The following PPIP5K2 variants were observed in gnomAD, a reference collection of about 807,000 sequenced individuals.
PPIP5K2 encodes inositol hexakisphosphate and diphosphoinositol-pentakisphosphate kinase 2.
In PPIP5K2, 105 loss-of-function variants were observed where a neutral mutation model predicts 154.6. The observed-to-expected ratio is 0.68, with a 90% CI of 0.58 to 0.80. The LOEUF (loss-of-function observed/expected upper bound fraction) is 0.80. Ranked by LOEUF, PPIP5K2 falls within the 30% of genes least tolerant of loss-of-function variation. The probability of loss-of-function intolerance (pLI) is 0.00; values close to 1 mark genes in which losing one functional copy is unlikely to be tolerated. For synonymous variants in PPIP5K2, 480 were observed against 490.3 expected, an observed-to-expected ratio of 0.98 and a Z score of 0.28; for missense variants, 992 against 1,504.6, an observed-to-expected ratio of 0.66 and a Z score of 5.64.
rs888795010 is a variant in PPIP5K2, at chr5:103,204,023, A to T, written c.*2389A>T. The T allele has an allele frequency of 2.0e-5, 3 of 152,224 alleles. No homozygotes were observed. The highest frequency in any genetic ancestry group is 7.2e-5 in the African/African-American group (3 of 41,466). The allele number at this position is 152,224 out of a possible 1,614,324, so 9.4% of individuals were successfully genotyped here. On this transcript the variant is annotated 3_prime_UTR_variant, in exon 31 of 31. Coordinates refer to ENST00000358359, the MANE Select transcript of PPIP5K2 (RefSeq NM_001276277.3). ...CATAGAGCACAAAGGCAATAGATGG[A>T]AATTATGAGAGAAAAGTTAAAGTTC...
intron 2 of PPIP5K2, 26 bp from the exon 3 acceptor site, chr5:103,133,427 G>T: frequency 1.3e-6 from 2 of 1,593,410 alleles, no homozygotes; most frequent in South Asian, 1.1e-5. Flanking sequence ...AAGTTAACCC[G>T]ATTTTTTGTT....
rs189452321 is a variant in PPIP5K2, at chr5:103,139,410, A to T, written c.487+941A>T. ...ATAAGAACCAAAAAATTAGTCCACCAAGGTGGTGCCTCTAGGAGTCAGCAA... is the reference window on the plus strand; with the variant it reads ...ATAAGAACCAAAAAATTAGTCCACCTAGGTGGTGCCTCTAGGAGTCAGCAA... On this transcript the variant is annotated intron_variant, in intron 5 of 30. Transcript: ENST00000358359. 8.5e-5 allele frequency among the ~76,000 whole-genome samples: 13 copies of T among 152,318 alleles called. No individual in the cohort carries two copies. The Middle Eastern group carries it at 0.01, about 120-fold the overall frequency.
chr5:103,133,306 T>C lies in PPIP5K2; in HGVS notation c.115-147T>C, dbSNP rs1790945582. ...TTAAATGTTTATTATAACAATGATA[T>C]AATTTTTAAAAATTCCTTTGTTTGT... On this transcript the variant is annotated intron_variant, in intron 2 of 30. Coordinates refer to ENST00000358359, the MANE Select transcript of PPIP5K2 (RefSeq NM_001276277.3). The C allele has an allele frequency of 9.4e-6, 5 of 530,630 alleles. No homozygotes were observed. The South Asian group carries it at 2.3e-4, about 25-fold the overall frequency. The allele number at this position is 530,630 out of a possible 1,614,324, so 32.9% of individuals were successfully genotyped here.
At position 103,155,878 on chromosome 5, in the gene PPIP5K2, G is replaced by A. The variant is rs373168090; in HGVS notation, c.1404-31G>A. 1.7e-5 allele frequency: 23 copies of A among 1,385,220 alleles called. No individual in the cohort carries two copies. The African/African-American group carries it at 3.0e-4, about 18-fold the overall frequency. The allele number at this position is 1,385,220 out of a possible 1,614,324, so 85.8% of individuals were successfully genotyped here. ...TGTGAGAATTAGTTTTTCCCTACAT[G>A]TTCTATTCTGTTTATCATTTTATTT... On this transcript the variant is annotated intron_variant, in intron 13 of 30. Coordinates refer to ENST00000358359, the MANE Select transcript of PPIP5K2 (RefSeq NM_001276277.3).
intron 2 of PPIP5K2, among the ~76,000 whole-genome samples, chr5:103,130,756 C>A (rs1004346296): frequency 1.3e-5 from 2 of 152,150 alleles, no homozygotes; most frequent in Non-Finnish European, 1.5e-5. Flanking sequence ...CTCTGGCTCA[C>A]TTAAACTAGA....
chr5:103,189,075 A>G, intron 28 of PPIP5K2: 3 of 921,292 alleles, frequency 3.3e-6, no homozygotes, highest in Non-Finnish European at 4.9e-6. Flanking sequence ...CATATCATGG[A>G]CTTACCCCTC....
intron 4 of PPIP5K2, 32 bp downstream of exon 4, chr5:103,136,854 G>A: frequency 6.6e-7 from 1 of 1,506,434 alleles, no homozygotes; most frequent in Non-Finnish European, 9.2e-7. Flanking sequence ...ATTAAGGGAA[G>A]GAAAAATAAC....
rs934765213 is a variant in PPIP5K2, at chr5:103,123,875, T to C, written c.-285+3387T>C. On this transcript the variant is annotated intron_variant, in intron 1 of 30. Transcript: ENST00000358359. ...AATGACTGAACATTGATCAAAATGC[T>C]AAATAATATGGAAGTGCTATATGTA... Among the ~76,000 whole-genome samples, 3 of 152,226 alleles carry C rather than the reference T, an allele frequency of 2.0e-5. No individual in the cohort carries two copies. The East Asian group carries it at 5.8e-4, about 29-fold the overall frequency.
chr5:103,184,414 C>A, intron 25 of PPIP5K2: 1 of 282,758 alleles, frequency 3.5e-6, no homozygotes, highest in South Asian at 8.3e-5. Context: ...CTCTTAATTG[C>A]TTCTTTTCAT....
In PPIP5K2 at chr5:103,209,711, A is replaced by G. The variant is rs1803700962; in HGVS notation, c.*8077A>G. On this transcript the variant is annotated 3_prime_UTR_variant, in exon 31 of 31. Transcript: ENST00000358359. ...CCATAGATTTGTCTTAAGTTAGTCA[A>G]TGCTGAATAGAAAGCTTGATGATAA... The G allele has an allele frequency of 6.6e-6, 1 of 152,162 alleles. No individual in the cohort carries two copies. Among genetic ancestry groups the G allele is most frequent in the Non-Finnish European group, 1.5e-5 (1 of 68,026 alleles). The allele number at this position is 152,162 out of a possible 1,614,324, so 9.4% of individuals were successfully genotyped here. A position where few individuals can be genotyped will look rare whatever the true frequency, so the allele number is the denominator to read the frequency against.
At chr5:103,186,477 C>T (rs1800404512) in intron 27 of PPIP5K2, 38 bp downstream of exon 27, 1 of 1,612,332 alleles carries the variant, frequency 6.2e-7, no homozygotes, top group Non-Finnish European at 8.5e-7. Flanking sequence ...CATACCTACA[C>T]CCATGCACAC....
intron 28 of PPIP5K2, among the ~76,000 whole-genome samples, chr5:103,189,898 A>G (rs1800957954): frequency 6.6e-6 from 1 of 152,116 alleles, no homozygotes. Context: ...GACTTTATAT[A>G]AAACTTTGAG....
chr5:103,173,389 A>T, intron 20 of PPIP5K2, 107 bp downstream of exon 20: 1 of 1,275,574 alleles, frequency 7.8e-7, no homozygotes. Context: ...TGTCATTGGC[A>T]TACTGTGAAA....
chr5:103,201,675 A>T lies in PPIP5K2; in HGVS notation c.*41A>T. On this transcript the variant is annotated 3_prime_UTR_variant, in exon 31 of 31. Transcript: ENST00000358359. The stretch of plus-strand genomic sequence containing the variant: ...TGGAACTTTTTATACTTATAAAAAT[A>T]GTATGTTCTTATGTTTCTCCTTATG... The T allele has an allele frequency of 2.2e-6, 3 of 1,355,264 alleles. No individual in the cohort carries two copies. In the African/African-American group the frequency reaches 4.4e-5, roughly 20 times the overall value. The allele number at this position is 1,355,264 out of a possible 1,614,324, so 84.0% of individuals were successfully genotyped here.
intron 28 of PPIP5K2, among the ~76,000 whole-genome samples, chr5:103,187,796 C>T (rs1164818608): frequency 6.6e-6 from 1 of 152,020 alleles, no homozygotes; most frequent in Non-Finnish European, 1.5e-5. Flanking sequence ...AATACAGAGC[C>T]ACCCATGTCA....
rs1158061607 is a variant in PPIP5K2 at position 103,149,165 on chromosome 5, G to A, written c.758G>A (p.Gly253Asp). The A allele has an allele frequency of 1.2e-6, 2 of 1,612,984 alleles. No homozygotes were observed. Among genetic ancestry groups the A allele is most frequent in the Non-Finnish European group, 1.7e-6 (2 of 1,179,320 alleles). ...CATTTGTGAAAGGTTTATACAGTGG[G>A]TCCAGATTATGCCCATGCTGAAGCT... is the stretch of plus-strand genomic sequence containing the variant. The part of the protein sequence containing the change: ...DGTDVKVYTV[G>D]PDYAHAEARK... Residue 253 changes from glycine to aspartate, a missense_variant, in exon 8 of 31, where the codon GGT becomes GAT. By Grantham distance (94) the Gly-to-Asp change is moderately conservative. Transcript: ENST00000358359.
rs1803594656 is a variant in PPIP5K2 at position 103,207,714 on chromosome 5, A to G, written c.*6080A>G. 6.6e-6 allele frequency: 1 copy of G among 151,654 alleles called. No individual in the cohort carries two copies. Among genetic ancestry groups the G allele is most frequent in the South Asian group, 2.1e-4 (1 of 4,808 alleles). The allele number at this position is 151,654 out of a possible 1,614,324, so 9.4% of individuals were successfully genotyped here. ...TTTCTTTTCTGAACTTTGTTAGCTT[A>G]TGTTGCATTTCCTTTGGTTGTTTTG... On this transcript the variant is annotated 3_prime_UTR_variant, in exon 31 of 31. Coordinates refer to ENST00000358359, the MANE Select transcript of PPIP5K2 (RefSeq NM_001276277.3).
Position 103,207,939 on chromosome 5 carries a change from G to T in PPIP5K2, c.*6305G>T, listed in dbSNP as rs1554232372. ...GTGTTTGTGCATGAACACTGTGCAG[G>T]TTTATTTTCAAGTATTACTTACCTT... On this transcript the variant is annotated 3_prime_UTR_variant, in exon 31 of 31. Coordinates refer to ENST00000358359, the MANE Select transcript of PPIP5K2 (RefSeq NM_001276277.3). 6.6e-6 allele frequency: 1 copy of T among 151,692 alleles called. No homozygotes were observed. Among genetic ancestry groups the T allele is most frequent in the Admixed American group, 6.6e-5 (1 of 15,206 alleles). 9.4% of individuals were successfully genotyped at this position (151,692 alleles called of 1,614,324 possible).
In PPIP5K2 at chr5:103,183,316, G is replaced by A. The variant is rs144678063; in HGVS notation, c.3005G>A (p.Arg1002Gln). The change falls in exon 25 of 31, where the codon CGA (arginine) becomes CAA (glutamine). Residue 1002 changes from arginine to glutamine, a missense_variant. Transcript: ENST00000358359. ...HYTSGVGTGRRRRRSGEQITS... is the reference protein window; with the variant it reads ...HYTSGVGTGRQRRRSGEQITS... The stretch of plus-strand genomic sequence containing the variant: ...ACCAGTGGTGTGGGTACTGGGCGTC[G>A]AAGACGCAGATCAGGGGAACAAATC... The A allele has an allele frequency of 5.0e-6, 8 of 1,603,748 alleles. No individual in the cohort carries two copies. The highest frequency in any genetic ancestry group is 1.1e-5 in the South Asian group (1 of 90,172).
Sources: gnomAD v4.1 joint callset for allele counts (sites outside exome capture counted in the v4.1 genomes callset) on GRCh38, gnomAD v4.1.1 for gene constraint, MANE v1.5 for transcripts, NCBI Gene and HGNC (gene_info 2026-07-23, HGNC 2026-07-21) for gene names.